Variants in PRKAA1 observed in about 807,000 individuals in gnomAD.
PRKAA1 encodes 5'-AMP-activated protein kinase catalytic subunit alpha-1.
In PRKAA1, 23 loss-of-function variants were observed where a neutral mutation model predicts 56.9. The observed-to-expected ratio is 0.40, with a 90% CI of 0.29 to 0.57. PRKAA1 has a LOEUF of 0.57. Among genes scored for constraint, PRKAA1 ranks in the 20% least tolerant of loss-of-function variants. The pLI is 0.39. For synonymous variants in PRKAA1, 226 were observed against 227.0 expected, an observed-to-expected ratio of 1.00 and a Z score of 0.04; for missense variants, 413 against 679.7, an observed-to-expected ratio of 0.61 and a Z score of 4.36.
At chr5:40,768,401 CTTTTT>C in intron 5 of PRKAA1, 2 of 912,900 alleles carry the variant, frequency 2.2e-6, no homozygotes, top group Non-Finnish European at 2.6e-6. Context: ...TATAACATTT[CTTTTT>C]ATTTATTTAA....
At chr5:40,769,357 A>G in intron 5 of PRKAA1, 59 bp downstream of exon 5, 1 of 1,353,496 alleles carries the variant, frequency 7.4e-7, no homozygotes, top group African/African-American at 1.5e-5. Context: ...AGACTAACAA[A>G]ATCTAGGAGA....
intron 6 of PRKAA1, among the ~76,000 whole-genome samples, chr5:40,766,822 A>AC (rs11410051): frequency 1 from 152,131 of 152,132 alleles, 76,065 homozygotes; most frequent in Non-Finnish European, 1. Flanking sequence ...AAATAGCAAG[A>AC]CCTGTCACTA....
At chr5:40,768,769 C>T in intron 5 of PRKAA1, 1 of 1,321,474 alleles carries the variant, frequency 7.6e-7, no homozygotes, top group Non-Finnish European at 9.6e-7. Flanking sequence ...ACTTCAGCTT[C>T]TGTTTTCAAT....
At chr5:40,794,003 G>A (rs1054046703) in intron 1 of PRKAA1, among the ~76,000 whole-genome samples, 1 of 151,970 alleles carries the variant, frequency 6.6e-6, no homozygotes, top group Non-Finnish European at 1.5e-5. Context: ...TAGGGAAGTT[G>A]AGGCAGAAGA....
chr5:40,788,838 C>T (rs989564572), intron 1 of PRKAA1, among the ~76,000 whole-genome samples: 4 of 150,204 alleles, frequency 2.7e-5, no homozygotes, highest in African/African-American at 9.8e-5. Flanking sequence ...AAAAAACAAA[C>T]AAACAAGCAA....
intron 3 of PRKAA1, among the ~76,000 whole-genome samples, chr5:40,773,369 A>T (rs1365743690): frequency 6.6e-6 from 1 of 152,222 alleles, no homozygotes; most frequent in Non-Finnish European, 1.5e-5. Context: ...GGCTACAAAA[A>T]TGAAAATTAT....
intron 6 of PRKAA1, among the ~76,000 whole-genome samples, chr5:40,766,933 C>T (rs1200571257): frequency 1.3e-5 from 2 of 152,116 alleles, no homozygotes; most frequent in African/African-American, 4.8e-5. Context: ...GTGGGAGGAT[C>T]ACTTGACCCA....
At position 40,798,159 on chromosome 5, in the gene PRKAA1, C is replaced by T. The variant is rs748031628; in HGVS notation, c.31G>A (p.Ala11Thr). ...TCGTGTTTCTGCTTCTCGGCTGTCG[C>T]CATCTTTCTCCAGGAACTGAGTCTG... MRRLSSWRKM[A>T]TAEKQKHDGR... Residue 11 changes from alanine (A) to threonine (T), a missense_variant, in exon 1 of 9, where the codon GCG becomes ACG. By Grantham distance (58) the Ala-to-Thr change is moderately conservative. This residue lies in a region of PRKAA1 where 61 missense variants were observed against 73.1 expected (regional missense o/e 0.83). Coordinates refer to ENST00000397128, the MANE Select transcript of PRKAA1 (RefSeq NM_006251.6). The T allele has an allele frequency of 1.9e-6, 3 of 1,589,874 alleles. No homozygotes were observed. The highest frequency in any genetic ancestry group is 2.6e-6 in the Non-Finnish European group (3 of 1,166,644).
At chr5:40,774,348 G>A (rs1579728456) in intron 3 of PRKAA1, among the ~76,000 whole-genome samples, 1 of 152,060 alleles carries the variant, frequency 6.6e-6, no homozygotes, top group East Asian at 1.9e-4. Flanking sequence ...ATATCTGTGA[G>A]GCAAATAACA....
rs137946058 is a variant in PRKAA1 at position 40,761,839 on chromosome 5, G to A, written c.*939C>T. 5 of 152,402 alleles carry A rather than the reference G, an allele frequency of 3.3e-5. No homozygotes were observed. The highest frequency in any genetic ancestry group is 2.1e-4 in the South Asian group (1 of 4,830). The allele number at this position is 152,402 out of a possible 1,614,324, so 9.4% of individuals were successfully genotyped here. On this transcript the variant is annotated 3_prime_UTR_variant, in exon 9 of 9. Coordinates refer to ENST00000397128, the MANE Select transcript of PRKAA1 (RefSeq NM_006251.6). ...AAGAACATTTTGTGTACAGAATATC[G>A]TGGGAATATTTTAAGACTAAAATTA...
At chr5:40,787,395 G>T (rs192736268) in intron 1 of PRKAA1, among the ~76,000 whole-genome samples, 2 of 152,080 alleles carry the variant, frequency 1.3e-5, no homozygotes, top group African/African-American at 4.8e-5. Flanking sequence ...AACCCAGGAG[G>T]TGGAGGTTGG....
Position 40,764,592 on chromosome 5 carries a change from T to C in PRKAA1, c.1357A>G (p.Ser453Gly), listed in dbSNP as rs1208526937. 1.2e-6 allele frequency: 2 copies of C among 1,613,950 alleles called. No individual in the cohort carries two copies. Among genetic ancestry groups the C allele is most frequent in the African/African-American group, 2.7e-5 (2 of 75,054 alleles). The change falls in exon 8 of 9, where the codon AGC (serine) becomes GGC (glycine). Residue 453 changes from serine to glycine, a missense_variant. Physicochemically the swap from Ser to Gly is moderately conservative, Grantham distance 56. This residue lies in a region of PRKAA1 where 139 missense variants were observed against 171.5 expected (regional missense o/e 0.81). Coordinates refer to ENST00000397128, the MANE Select transcript of PRKAA1 (RefSeq NM_006251.6). Reference protein sequence around the residue: ...LRVRRKNPVTSTYSKMSLQLY... With the variant: ...LRVRRKNPVTGTYSKMSLQLY... ...TGTAGACTCATTTTGGAGTAAGTGC[T>C]TGTCACAGGATTCTTCCTTCGTACA... is the stretch of plus-strand genomic sequence containing the variant.
chr5:40,770,500 C>G (rs561128965), intron 4 of PRKAA1, among the ~76,000 whole-genome samples: 67 of 151,064 alleles, frequency 4.4e-4, no homozygotes, highest in African/African-American at 1.6e-3. Flanking sequence ...CTGATTTGAA[C>G]TAAAACCAAC....
chr5:40,798,216 CG>C lies in PRKAA1; in HGVS notation c.-28del. The C allele has an allele frequency of 8.9e-6, 1 of 112,880 alleles. No individual in the cohort carries two copies. Among genetic ancestry groups the C allele is most frequent in the Non-Finnish European group, 1.8e-5 (1 of 54,370 alleles). The allele number at this position is 112,880 out of a possible 1,614,324, so 7.0% of individuals were successfully genotyped here. A position where few individuals can be genotyped will look rare whatever the true frequency, so the allele number is the denominator to read the frequency against. ...GCGCTGCGGGAGGGGGCGGAGGGGGCGGGCAGGGCCGCGCCGGGGGCGGGCG... is the reference window on the plus strand; with the variant it reads ...GCGCTGCGGGAGGGGGCGGAGGGGGCGGCAGGGCCGCGCCGGGGGCGGGCG... On this transcript the variant is annotated 5_prime_UTR_variant, in exon 1 of 9. Transcript: ENST00000397128.
At chr5:40,795,311 G>C (rs918641040) in intron 1 of PRKAA1, among the ~76,000 whole-genome samples, 1 of 151,940 alleles carries the variant, frequency 6.6e-6, no homozygotes, top group Non-Finnish European at 1.5e-5. Flanking sequence ...GGTGATGGGT[G>C]CACCAAAATC....
rs1743146220 is a variant in PRKAA1 at position 40,760,679 on chromosome 5, G to C, written c.*2099C>G. The C allele has an allele frequency of 6.6e-6, 1 of 152,664 alleles. No homozygotes were observed. The highest frequency in any genetic ancestry group is 6.5e-5 in the Admixed American group (1 of 15,282). 9.5% of individuals were successfully genotyped at this position (152,664 alleles called of 1,614,324 possible). A position where few individuals can be genotyped will look rare whatever the true frequency, so the allele number is the denominator to read the frequency against. ...GAATAGAACAAGCCCTGGACAAAAA[G>C]CAGCAAGATTTTTCTTTTGAATTCA... On this transcript the variant is annotated 3_prime_UTR_variant, in exon 9 of 9. Coordinates refer to ENST00000397128, the MANE Select transcript of PRKAA1 (RefSeq NM_006251.6).
intron 1 of PRKAA1, among the ~76,000 whole-genome samples, chr5:40,780,745 C>G (rs953252608): frequency 4.6e-5 from 7 of 152,174 alleles, no homozygotes; most frequent in Admixed American, 3.9e-4. Context: ...CGTTCCAGCT[C>G]TCAGAAAGGC....
At chr5:40,796,054 C>G (rs527889928) in intron 1 of PRKAA1, among the ~76,000 whole-genome samples, 1 of 152,190 alleles carries the variant, frequency 6.6e-6, no homozygotes, top group Non-Finnish European at 1.5e-5. Context: ...CAGTGGCTCA[C>G]GCCTGTAATC....
At chr5:40,779,683 A>G (rs1304733461) in intron 1 of PRKAA1, among the ~76,000 whole-genome samples, 2 of 152,182 alleles carry the variant, frequency 1.3e-5, no homozygotes, top group Non-Finnish European at 2.9e-5. Context: ...GATCGATCAA[A>G]AACTGCAATG....
Sources: gnomAD v4.1 joint callset for allele counts (sites outside exome capture counted in the v4.1 genomes callset) on GRCh38, gnomAD v4.1.1 for gene constraint, gnomAD v4.1.1 regional missense constraint, MANE v1.5 for transcripts, NCBI Gene and HGNC (gene_info 2026-07-23, HGNC 2026-07-21) for gene names.